Variants in GRIP1 observed in about 807,000 individuals in gnomAD.
GRIP1 encodes glutamate receptor interacting protein 1.
Under a neutral mutation model 129.9 loss-of-function variants are expected in GRIP1, and 45 were observed. That is an observed-to-expected ratio of 0.35 (90% CI 0.27 to 0.44). GRIP1 has a LOEUF of 0.44. Among genes scored for constraint, GRIP1 ranks in the 20% least tolerant of loss-of-function variants. GRIP1 has a pLI of 1.00. For synonymous variants in GRIP1, 530 were observed against 520.8 expected (o/e 1.02, Z -0.24); for missense variants, 1,196 against 1,396.8 (o/e 0.86, Z 2.29).
intron 1 of GRIP1, among the ~76,000 whole-genome samples, chr12:66,897,745 T>C (rs1226052870): frequency 6.6e-6 from 1 of 152,172 alleles, no homozygotes; most frequent in East Asian, 1.9e-4. Flanking sequence ...CAGTGATTTC[T>C]TTTTGTGAAT....
chr12:66,610,998 C>T (rs1388178895), intron 1 of GRIP1, among the ~76,000 whole-genome samples: 1 of 152,112 alleles, frequency 6.6e-6, no homozygotes, highest in Admixed American at 6.6e-5. Flanking sequence ...CCTTTATTGG[C>T]TTCTCTTTTG....
intron 1 of GRIP1, among the ~76,000 whole-genome samples, chr12:66,698,360 C>T (rs1459833151): frequency 1.3e-5 from 2 of 152,110 alleles, no homozygotes; most frequent in Non-Finnish European, 2.9e-5. Context: ...AGTATCAGGA[C>T]GCCTTGTGTT....
intron 1 of GRIP1, among the ~76,000 whole-genome samples, chr12:66,783,440 T>A (rs1407586662): frequency 6.6e-6 from 1 of 152,204 alleles, no homozygotes; most frequent in Non-Finnish European, 1.5e-5. Flanking sequence ...AATACATCCA[T>A]TTGACAATGG....
chr12:67,052,918 GAATT>G (rs1565657456), intron 1 of GRIP1, among the ~76,000 whole-genome samples: 4 of 152,238 alleles, frequency 2.6e-5, no homozygotes, highest in Non-Finnish European at 5.9e-5. Context: ...CTTAGTGTAG[GAATT>G]AGACTTAGAA....
At chr12:66,996,285 A>T (rs1240716740) in intron 1 of GRIP1, among the ~76,000 whole-genome samples, 1 of 152,174 alleles carries the variant, frequency 6.6e-6, no homozygotes, top group Non-Finnish European at 1.5e-5. Context: ...CACACTTTAA[A>T]TGACTGAATT....
In GRIP1 at chr12:66,432,249, A is replaced by C. The variant is rs1278428373; in HGVS notation, c.1768+299T>G. Among the ~76,000 whole-genome samples the C allele has an allele frequency of 3.3e-5, 5 of 152,116 alleles. No individual in the cohort carries two copies. In the East Asian group the frequency reaches 9.6e-4, roughly 29 times the overall value. Reference sequence around the variant, plus strand: ...TCTCACCAGGACTCATCACTTGCCAAGCACTGTACTAGGTATATAAATATG... The same window carrying C: ...TCTCACCAGGACTCATCACTTGCCACGCACTGTACTAGGTATATAAATATG... On this transcript the variant is annotated intron_variant, in intron 14 of 24. Coordinates refer to ENST00000359742, the MANE Select transcript of GRIP1 (RefSeq NM_001366722.1).
At chr12:66,713,058 AC>A (rs2035761698) in intron 1 of GRIP1, among the ~76,000 whole-genome samples, 1 of 151,986 alleles carries the variant, frequency 6.6e-6, no homozygotes, top group Admixed American at 6.6e-5. Context: ...CTTGTTATAA[AC>A]TTTTGAGCCA....
chr12:66,851,761 CA>C (rs1380162480), intron 1 of GRIP1, among the ~76,000 whole-genome samples: 2 of 152,108 alleles, frequency 1.3e-5, no homozygotes, highest in African/African-American at 2.4e-5. Context: ...TATGGCTAAG[CA>C]GGATCTTGGA....
At chr12:66,833,509 G>A (rs1407254556) in intron 1 of GRIP1, among the ~76,000 whole-genome samples, 1 of 152,104 alleles carries the variant, frequency 6.6e-6, no homozygotes, top group Non-Finnish European at 1.5e-5. Flanking sequence ...TTCTCCAGGG[G>A]AAATGTGACT....
At chr12:66,839,148 C>G (rs903144558) in intron 1 of GRIP1, among the ~76,000 whole-genome samples, 3 of 151,846 alleles carry the variant, frequency 2.0e-5, no homozygotes, top group African/African-American at 7.3e-5. Context: ...AATAAAAACA[C>G]AAAAGGAAAC....
intron 1 of GRIP1, among the ~76,000 whole-genome samples, chr12:66,906,777 A>G (rs2040940511): frequency 6.6e-6 from 1 of 152,194 alleles, no homozygotes; most frequent in African/African-American, 2.4e-5. Context: ...AGAAATCTAC[A>G]TTCTTAAGAT....
At chr12:66,913,171 A>T (rs1000773469) in intron 1 of GRIP1, among the ~76,000 whole-genome samples, 1 of 152,192 alleles carries the variant, frequency 6.6e-6, no homozygotes, top group African/African-American at 2.4e-5. Flanking sequence ...CCAAAATACC[A>T]TAACAAATAA....
At chr12:66,767,072 GA>G (rs1312688096) in intron 1 of GRIP1, among the ~76,000 whole-genome samples, 9 of 152,142 alleles carry the variant, frequency 5.9e-5, no homozygotes, top group Admixed American at 2.0e-4. Context: ...AATCTGAAAT[GA>G]TTTTTTTTGT....
At chr12:66,473,479 A>G (rs1427137721) in intron 7 of GRIP1, among the ~76,000 whole-genome samples, 2 of 152,202 alleles carry the variant, frequency 1.3e-5, no homozygotes, top group Admixed American at 6.5e-5. Context: ...CAGCTCTGCT[A>G]AGGGACAGAC....
At chr12:66,390,093 G>A (rs1441700198) in intron 19 of GRIP1, among the ~76,000 whole-genome samples, 3 of 152,142 alleles carry the variant, frequency 2.0e-5, no homozygotes, top group African/African-American at 7.2e-5. Flanking sequence ...AGAGCTACGT[G>A]GAGATGGGGG....
At chr12:66,695,512 G>A (rs530542809) in intron 1 of GRIP1, among the ~76,000 whole-genome samples, 7 of 152,144 alleles carry the variant, frequency 4.6e-5, no homozygotes, top group Non-Finnish European at 7.3e-5. Flanking sequence ...ACCACTAATG[G>A]GATTGATCCA....
rs7968611 is a variant in GRIP1 at position 66,603,585 on chromosome 12, C to T, written c.56-6658G>A. 1.6e-3 allele frequency among the ~76,000 whole-genome samples: 239 copies of T among 152,358 alleles called. 1 individual carries two copies. The highest frequency in any genetic ancestry group is 5.4e-3 in the African/African-American group (225 of 41,586). On this transcript the variant is annotated intron_variant, in intron 1 of 24. Transcript: ENST00000359742. Reference sequence around the variant, plus strand: ...CTCCAACTGATACGACCAACAGCAACTGCACAGGTAGTGAGGATACACCTG... The same window carrying T: ...CTCCAACTGATACGACCAACAGCAATTGCACAGGTAGTGAGGATACACCTG...
At chr12:67,034,308 T>C (rs1176743557) in intron 1 of GRIP1, among the ~76,000 whole-genome samples, 3 of 152,240 alleles carry the variant, frequency 2.0e-5, no homozygotes, top group African/African-American at 4.8e-5. Flanking sequence ...GAATGACTTC[T>C]ATTTCCTAAT....
chr12:66,407,332 CA>C (rs2057229542), intron 15 of GRIP1: 1 of 152,166 alleles, frequency 6.6e-6, no homozygotes. Flanking sequence ...GCAGGAACAC[CA>C]AATTTAACAA....
Sources: allele counts gnomAD v4.1 joint callset (sites outside exome capture counted in the v4.1 genomes callset), GRCh38; gene constraint gnomAD v4.1.1; transcripts MANE v1.5; gene names NCBI Gene and HGNC (gene_info 2026-07-23, HGNC 2026-07-21).